USP47: variants seen among roughly 807,000 people sequenced by gnomAD.
The protein encoded by USP47 is ubiquitin carboxyl-terminal hydrolase 47.
A neutral mutation model predicts 165.1 loss-of-function variants in USP47; 35 were observed. The observed-to-expected ratio is 0.21, with a 90% CI of 0.16 to 0.28. The LOEUF is 0.28. USP47 is among the 10% of genes least tolerant of loss of function. The probability of loss-of-function intolerance (pLI) is 1.00; values close to 1 mark genes in which losing one functional copy is unlikely to be tolerated. For synonymous variants in USP47, 531 were observed against 544.5 expected (o/e 0.98, Z 0.35); for missense variants, 1,277 against 1,607.4 (o/e 0.79, Z 3.52).
chr11:11,912,966 T>TGG (rs1853111374), intron 8 of USP47, among the ~76,000 whole-genome samples: 1 of 152,044 alleles, frequency 6.6e-6, no homozygotes, highest in Non-Finnish European at 1.5e-5. Context: ...TCACTTATAA[T>TGG]AACTCAGATT....
intron 17 of USP47, among the ~76,000 whole-genome samples, chr11:11,938,055 T>G (rs1424459035): frequency 1.3e-5 from 2 of 152,000 alleles, no homozygotes; most frequent in African/African-American, 2.4e-5. Context: ...AGGGGTTTGT[T>G]CAAAAGCAAG....
At position 11,920,474 on chromosome 11, in the gene USP47, T is replaced by C; in HGVS notation, c.1198T>C (p.Phe400Leu). Residue 400 changes from phenylalanine (F) to leucine (L), a missense_variant, in exon 10 of 28, where the codon TTT (phenylalanine) becomes CTT (leucine). Around this residue, in one of 4 missense-constraint regions of USP47, gnomAD observed 175 missense variants for 295.8 expected, o/e 0.59. Transcript: ENST00000527733. ...TCCCGAGGAACTAGATATGAGTACT[T>C]TTATTGATGTTGAAGATGAGGTAAA... is the stretch of plus-strand genomic sequence containing the variant. ...TFPEELDMST[F>L]IDVEDEKSPQ... The C allele has an allele frequency of 6.2e-7, 1 of 1,606,540 alleles. No individual in the cohort carries two copies. The highest frequency in any genetic ancestry group is 8.5e-7 in the Non-Finnish European group (1 of 1,176,878).
At chr11:11,936,605 T>C in intron 17 of USP47, 95 bp downstream of exon 17, 1 of 1,017,342 alleles carries the variant, frequency 9.8e-7, no homozygotes, top group South Asian at 2.4e-5. Flanking sequence ...AATTTAAATT[T>C]TGTATATGGT....
intron 2 of USP47, among the ~76,000 whole-genome samples, chr11:11,882,314 T>C (rs1850884088): frequency 6.6e-6 from 1 of 152,198 alleles, no homozygotes; most frequent in African/African-American, 2.4e-5. Flanking sequence ...TGAAGTTGAA[T>C]GTGTATCCCT....
chr11:11,865,301 T>C (rs987126391), intron 1 of USP47, among the ~76,000 whole-genome samples: 2 of 152,156 alleles, frequency 1.3e-5, no homozygotes, highest in Non-Finnish European at 2.9e-5. Context: ...GTTGGATCTT[T>C]TGTTATAGTC....
Position 11,959,484 on chromosome 11 carries a change from C to T in USP47, c.*3309C>T, listed in dbSNP as rs550943728. Among the ~76,000 whole-genome samples the T allele has an allele frequency of 4.3e-4, 65 of 152,236 alleles. No individual in the cohort carries two copies. Among genetic ancestry groups the T allele is most frequent in the African/African-American group, 1.5e-3 (62 of 41,520 alleles). On this transcript the variant is annotated 3_prime_UTR_variant, in exon 28 of 28. Coordinates refer to ENST00000527733, the MANE Select transcript of USP47 (RefSeq NM_001282659.2). Reference sequence around the variant, plus strand: ...GAGGGTTTCAAAGGAGTTCATGGCCCAAATGAAGCTTGTGGCCACCTAGGT... The same window carrying T: ...GAGGGTTTCAAAGGAGTTCATGGCCTAAATGAAGCTTGTGGCCACCTAGGT...
intron 8 of USP47, among the ~76,000 whole-genome samples, chr11:11,914,348 A>T (rs1274728693): frequency 6.6e-6 from 1 of 152,158 alleles, no homozygotes; most frequent in Non-Finnish European, 1.5e-5. Flanking sequence ...CTGGACATCC[A>T]TATCACAAAA....
chr11:11,889,237 C>T (rs1436411939), intron 3 of USP47, among the ~76,000 whole-genome samples: 1 of 152,044 alleles, frequency 6.6e-6, no homozygotes, highest in Non-Finnish European at 1.5e-5. Context: ...AAGGTATTCA[C>T]ATAGGAAAAG....
Position 11,905,330 on chromosome 11 carries a change from T to C in USP47, c.820-69T>C, listed in dbSNP as rs1852490780. On this transcript the variant is annotated intron_variant, in intron 7 of 27. Coordinates refer to ENST00000527733, the MANE Select transcript of USP47 (RefSeq NM_001282659.2). ...TCCTTTTGTAAACCATTCTAAAAAG[T>C]GTAGAATGTTACATGTTTTAAAGGT... 3.4e-6 allele frequency: 4 copies of C among 1,187,390 alleles called. No homozygotes were observed. In the African/African-American group the frequency reaches 4.6e-5, roughly 14 times the overall value. The allele number at this position is 1,187,390 out of a possible 1,614,324, so 73.6% of individuals were successfully genotyped here.
At position 11,854,850 on chromosome 11, in the gene USP47, T is replaced by C. The variant is rs771871171; in HGVS notation, c.39+12626T>C. Among the ~76,000 whole-genome samples, 44 of 146,784 alleles carry C rather than the reference T, an allele frequency of 3.0e-4. 5 individuals carry two copies. The highest frequency in any genetic ancestry group is 5.5e-4 in the Non-Finnish European group (36 of 65,516). On this transcript the variant is annotated intron_variant, in intron 1 of 27. Transcript: ENST00000527733. ...GGCTCACGCCTGTAATCCCAGCACTTTGGGAGGCTGAAGCAGGCGGATCAC... is the reference window on the plus strand; with the variant it reads ...GGCTCACGCCTGTAATCCCAGCACTCTGGGAGGCTGAAGCAGGCGGATCAC...
At chr11:11,917,616 A>C (rs998412878) in intron 8 of USP47, among the ~76,000 whole-genome samples, 1 of 138,414 alleles carries the variant, frequency 7.2e-6, no homozygotes, top group Non-Finnish European at 1.6e-5. Flanking sequence ...ACTGGCAGAC[A>C]CTGAAAGCTT....
intron 13 of USP47, 51 bp from the exon 14 acceptor site, chr11:11,930,645 T>A (rs1439118393): frequency 1.5e-6 from 2 of 1,333,464 alleles, no homozygotes. Flanking sequence ...AGAAGTGGAA[T>A]CTTTTTAATC....
chr11:11,910,531 A>G (rs1347817965), intron 8 of USP47, among the ~76,000 whole-genome samples: 4 of 151,264 alleles, frequency 2.6e-5, no homozygotes, highest in African/African-American at 9.7e-5. Flanking sequence ...TTCCTTCACC[A>G]CCTCCCAGGG....
chr11:11,930,850 A>G (rs1854614154), intron 14 of USP47, 99 bp downstream of exon 14: 1 of 926,278 alleles, frequency 1.1e-6, no homozygotes. Flanking sequence ...TGATAGGATA[A>G]TTAAGTTGTT....
In USP47 at chr11:11,842,184, C is replaced by T. The variant is rs1173719417; in HGVS notation, c.-2C>T. ...GGCGGAGAGGAGCGGCCGGAGTCAGCGATGGTGCCCGGCGAGGAGAACCAA... is the reference window on the plus strand; with the variant it reads ...GGCGGAGAGGAGCGGCCGGAGTCAGTGATGGTGCCCGGCGAGGAGAACCAA... On this transcript the variant is annotated 5_prime_UTR_variant, in exon 1 of 28. Transcript: ENST00000527733. 2 of 1,553,174 alleles carry T rather than the reference C, an allele frequency of 1.3e-6. No homozygotes were observed. The highest frequency in any genetic ancestry group is 1.7e-6 in the Non-Finnish European group (2 of 1,147,520).
intron 1 of USP47, among the ~76,000 whole-genome samples, chr11:11,873,086 G>C (rs1024550408): frequency 3.3e-5 from 5 of 152,128 alleles, no homozygotes; most frequent in African/African-American, 1.2e-4. Flanking sequence ...AGCAATGGTG[G>C]CTATTTTAGA....
intron 22 of USP47, among the ~76,000 whole-genome samples, chr11:11,949,513 T>G (rs879307530): frequency 2.6e-5 from 4 of 152,176 alleles, no homozygotes; most frequent in Non-Finnish European, 5.9e-5. Flanking sequence ...TTGAGACAAT[T>G]GGTTAAAGTA....
intron 1 of USP47, chr11:11,873,800 G>A: frequency 6.8e-7 from 1 of 1,466,770 alleles, no homozygotes; most frequent in Non-Finnish European, 9.0e-7. Flanking sequence ...TATACCATAG[G>A]ATGTGTTTTG....
intron 1 of USP47, among the ~76,000 whole-genome samples, chr11:11,849,062 G>A (rs984966520): frequency 2.0e-5 from 3 of 151,908 alleles, no homozygotes; most frequent in South Asian, 4.1e-4. Context: ...ACTGCAAGTC[G>A]TTTGGATACA....
Sources: gnomAD v4.1 joint callset for allele counts (sites outside exome capture counted in the v4.1 genomes callset) on GRCh38, gnomAD v4.1.1 for gene constraint, gnomAD v4.1.1 regional missense constraint, MANE v1.5 for transcripts, NCBI Gene and HGNC (gene_info 2026-07-23, HGNC 2026-07-21) for gene names.